The following PPIL6 variants were observed in gnomAD, a reference collection of about 807,000 sequenced individuals.
PPIL6 encodes probable inactive peptidyl-prolyl cis-trans isomerase-like 6.
In PPIL6, 39 loss-of-function variants were observed where a neutral mutation model predicts 36.8. That is an observed-to-expected ratio of 1.06 (90% CI 0.82 to 1.38). The LOEUF (loss-of-function observed/expected upper bound fraction) is 1.38, where lower values mean the gene tolerates loss of function less well. Among genes scored for constraint, PPIL6 ranks in the 40% most tolerant of loss-of-function variants. The pLI is 0.00. For missense variants in PPIL6, 368 were observed against 379.1 expected, an observed-to-expected ratio of 0.97 and a Z score of 0.24; for synonymous variants, 123 against 134.1, an observed-to-expected ratio of 0.92 and a Z score of 0.57.
chr6:109,424,790 C>T (rs975067538), intron 5 of PPIL6, among the ~76,000 whole-genome samples: 3 of 152,168 alleles, frequency 2.0e-5, no homozygotes, highest in African/African-American at 7.2e-5. Context: ...AGCGCCATGA[C>T]AGTTTACAAA....
chr6:109,436,363 C>T (rs1488472294), intron 1 of PPIL6, among the ~76,000 whole-genome samples, 164 bp from the exon 2 acceptor site: 1 of 152,160 alleles, frequency 6.6e-6, no homozygotes, highest in Admixed American at 6.6e-5. Flanking sequence ...CCCTTGTGTT[C>T]ACCTCCAAGT....
At chr6:109,394,055 T>C (rs1467343385) in intron 7 of PPIL6, among the ~76,000 whole-genome samples, 1 of 152,154 alleles carries the variant, frequency 6.6e-6, no homozygotes, top group Non-Finnish European at 1.5e-5. Flanking sequence ...CACTGAGTGA[T>C]GAATAAAAGA....
chr6:109,421,833 G>C (rs1206685372), intron 5 of PPIL6, among the ~76,000 whole-genome samples: 1 of 152,042 alleles, frequency 6.6e-6, no homozygotes, highest in African/African-American at 2.4e-5. Context: ...GAGGCCAGGA[G>C]TTCAAGACCA....
At chr6:109,405,420 T>C (rs1188199518) in intron 6 of PPIL6, among the ~76,000 whole-genome samples, 1 of 152,236 alleles carries the variant, frequency 6.6e-6, no homozygotes, top group Non-Finnish European at 1.5e-5. Context: ...TTTCTTTTCC[T>C]TACATTTATC....
Position 109,436,444 on chromosome 6 carries a change from G to A in PPIL6, c.136-245C>T, listed in dbSNP as rs527306388. Among the ~76,000 whole-genome samples the A allele has an allele frequency of 1.6e-4, 25 of 152,268 alleles. 1 individual carries two copies. The East Asian group carries it at 4.2e-3, about 26-fold the overall frequency. On this transcript the variant is annotated intron_variant, in intron 1 of 7. Transcript: ENST00000521072. ...AAGAACTATGTCTTAGAGGCTGGGC[G>A]CAGTGGCTCACACCTGTAATCTCAG...
chr6:109,427,629 G>A (rs747789106), intron 3 of PPIL6, among the ~76,000 whole-genome samples: 9 of 152,030 alleles, frequency 5.9e-5, no homozygotes, highest in African/African-American at 1.5e-4. Flanking sequence ...TCAAGGGATC[G>A]CCTACCTTGG....
chr6:109,417,167 C>A (rs1330014954), intron 6 of PPIL6, among the ~76,000 whole-genome samples: 1 of 146,276 alleles, frequency 6.8e-6, no homozygotes, highest in Non-Finnish European at 1.5e-5. Context: ...GAGATCCTGT[C>A]TCTTAAAAAA....
rs13219952 is a variant in PPIL6 at position 109,391,084 on chromosome 6, C to T, written c.*1742G>A. On this transcript the variant is annotated 3_prime_UTR_variant, in exon 8 of 8. Transcript: ENST00000521072. ...CGGGCGGATCACGAGGTCACAAGAT[C>T]GGGACCATCCTGGCTAACATGGTGA... 0.38 allele frequency: 57,408 copies of T among 151,376 alleles called. 11,215 individuals are homozygous for T. Among genetic ancestry groups the T allele is most frequent in the South Asian group, 0.51 (2,438 of 4,796 alleles). The allele number at this position is 151,376 out of a possible 1,614,324, so 9.4% of individuals were successfully genotyped here. A position where few individuals can be genotyped will look rare whatever the true frequency, so the allele number is the denominator to read the frequency against.
chr6:109,427,201 C>T (rs770236558), intron 3 of PPIL6, 45 bp from the exon 4 acceptor site: 9 of 1,455,164 alleles, frequency 6.2e-6, no homozygotes, highest in Non-Finnish European at 8.5e-6. Flanking sequence ...CAAAGTCTTA[C>T]AAGAAAGTTT....
chr6:109,416,575 A>G (rs993918332), intron 6 of PPIL6, among the ~76,000 whole-genome samples: 1 of 149,706 alleles, frequency 6.7e-6, no homozygotes. Flanking sequence ...TCAGGTAGAT[A>G]TCCTTTTTCT....
intron 6 of PPIL6, among the ~76,000 whole-genome samples, chr6:109,409,207 T>C (rs936357047): frequency 2.0e-5 from 3 of 152,200 alleles, no homozygotes; most frequent in African/African-American, 7.2e-5. Flanking sequence ...ATAGTTCTCC[T>C]AGTACTATGT....
chr6:109,408,651 T>C (rs1480748016), intron 6 of PPIL6, among the ~76,000 whole-genome samples: 2 of 152,160 alleles, frequency 1.3e-5, no homozygotes, highest in Non-Finnish European at 2.9e-5. Context: ...CTCAAATCCT[T>C]TTTATATTTT....
chr6:109,395,207 G>A (rs890013899), intron 7 of PPIL6, among the ~76,000 whole-genome samples: 32 of 152,104 alleles, frequency 2.1e-4, no homozygotes, highest in African/African-American at 7.5e-4. Context: ...AGGAGTTCAA[G>A]ACTAGCTTGG....
At chr6:109,433,629 C>T (rs1044321204) in intron 2 of PPIL6, among the ~76,000 whole-genome samples, 1 of 152,184 alleles carries the variant, frequency 6.6e-6, no homozygotes, top group Non-Finnish European at 1.5e-5. Context: ...AAGCCATCCA[C>T]TTAGGGTGGC....
At chr6:109,437,261 A>G (rs1233509642) in intron 1 of PPIL6, among the ~76,000 whole-genome samples, 2 of 152,192 alleles carry the variant, frequency 1.3e-5, no homozygotes, top group African/African-American at 4.8e-5. Context: ...CCAAAGGGAA[A>G]AGTGACAGCT....
chr6:109,422,520 G>A (rs1356210194), intron 5 of PPIL6, among the ~76,000 whole-genome samples: 1 of 152,078 alleles, frequency 6.6e-6, no homozygotes, highest in Non-Finnish European at 1.5e-5. Flanking sequence ...AGTCCAGGAG[G>A]TTGAGGCTGC....
intron 1 of PPIL6, among the ~76,000 whole-genome samples, chr6:109,438,799 G>C (rs933340367): frequency 2.0e-5 from 3 of 152,112 alleles, no homozygotes; most frequent in Non-Finnish European, 4.4e-5. Context: ...ATGTTGGCCA[G>C]GCTGGTCTTG....
chr6:109,399,739 G>A (rs1487795618), intron 7 of PPIL6, among the ~76,000 whole-genome samples: 8 of 151,872 alleles, frequency 5.3e-5, no homozygotes, highest in Admixed American at 3.9e-4. Context: ...ATGGGGTCTC[G>A]CTATGTTGCC....
chr6:109,399,094 TTTTA>T (rs58404867), intron 7 of PPIL6, among the ~76,000 whole-genome samples: 45,776 of 148,158 alleles, frequency 0.31, 10,207 homozygotes, highest in African/African-American at 0.62. Flanking sequence ...CCCAGCTAAT[TTTTA>T]TTTATTTATT....
Sources: allele counts gnomAD v4.1 joint callset (sites outside exome capture counted in the v4.1 genomes callset), GRCh38; gene constraint gnomAD v4.1.1; transcripts MANE v1.5; gene names NCBI Gene and HGNC (gene_info 2026-07-23, HGNC 2026-07-21).